The following MYO10 variants were observed in gnomAD, a reference collection of about 807,000 sequenced individuals.
MYO10 encodes unconventional myosin-X.
MYO10 carries 133 observed loss-of-function variants against 257.3 expected under a neutral mutation model. The ratio of observed to expected loss-of-function variants is 0.52; its 90% CI spans 0.45 to 0.60. The LOEUF is 0.60. Among genes scored for constraint, MYO10 ranks in the 20% least tolerant of loss-of-function variants. The pLI, the probability that MYO10 is intolerant of heterozygous loss-of-function variation, is 0.00. For synonymous variants in MYO10, 1,104 were observed against 1,028.6 expected (o/e 1.07, Z -1.40); for missense variants, 2,399 against 2,635.7 (o/e 0.91, Z 1.97).
At chr5:16,866,580 G>GT (rs1410099603) in intron 2 of MYO10, among the ~76,000 whole-genome samples, 3 of 152,072 alleles carry the variant, frequency 2.0e-5, no homozygotes, top group Non-Finnish European at 4.4e-5. Flanking sequence ...CAAGAGACAT[G>GT]TAAGACTCAG....
At chr5:16,870,764 C>T (rs1005580803) in intron 2 of MYO10, among the ~76,000 whole-genome samples, 7 of 152,000 alleles carry the variant, frequency 4.6e-5, no homozygotes, top group South Asian at 4.2e-4. Flanking sequence ...TGGTGGCATG[C>T]GCCTGTAATC....
At chr5:16,835,715 C>G (rs187780540) in intron 2 of MYO10, among the ~76,000 whole-genome samples, 2 of 150,718 alleles carry the variant, frequency 1.3e-5, no homozygotes, top group African/African-American at 4.9e-5. Context: ...AAAACACTCT[C>G]TGAATTAATG....
At chr5:16,901,810 G>A (rs1291513677) in intron 1 of MYO10, among the ~76,000 whole-genome samples, 1 of 152,122 alleles carries the variant, frequency 6.6e-6, no homozygotes, top group Non-Finnish European at 1.5e-5. Flanking sequence ...TGCAGAGAGG[G>A]CAATAGGAAT....
At chr5:16,862,860 A>G (rs966173822) in intron 2 of MYO10, among the ~76,000 whole-genome samples, 1 of 152,220 alleles carries the variant, frequency 6.6e-6, no homozygotes, top group African/African-American at 2.4e-5. Flanking sequence ...CAACACCAGC[A>G]CTGCAAGACC....
At chr5:16,845,845 T>C (rs927119929) in intron 2 of MYO10, among the ~76,000 whole-genome samples, 3 of 151,818 alleles carry the variant, frequency 2.0e-5, no homozygotes, top group African/African-American at 7.3e-5. Context: ...GCACCTGTAG[T>C]CCCAGCTACT....
chr5:16,751,430 A>G (rs183004444), intron 19 of MYO10, among the ~76,000 whole-genome samples: 1 of 152,248 alleles, frequency 6.6e-6, no homozygotes, highest in African/African-American at 2.4e-5. Context: ...CCTGCATTTT[A>G]GGCCTCAGAC....
At chr5:16,834,413 A>G (rs900898810) in intron 2 of MYO10, among the ~76,000 whole-genome samples, 2 of 152,112 alleles carry the variant, frequency 1.3e-5, no homozygotes, top group South Asian at 4.1e-4. Context: ...TGGTGTCTAC[A>G]ATAGCAGGGG....
At chr5:16,803,480 A>T (rs941260142) in intron 3 of MYO10, among the ~76,000 whole-genome samples, 3 of 152,338 alleles carry the variant, frequency 2.0e-5, no homozygotes, top group Admixed American at 2.0e-4. Context: ...CAAATTAAAT[A>T]AAAATGTTCT....
At chr5:16,886,231 A>C (rs544297383) in intron 1 of MYO10, among the ~76,000 whole-genome samples, 1 of 152,222 alleles carries the variant, frequency 6.6e-6, no homozygotes, top group Non-Finnish European at 1.5e-5. Context: ...CTACAGAGGA[A>C]GGAAAAGTAA....
At chr5:16,789,428 AT>A (rs1741688184) in intron 4 of MYO10, among the ~76,000 whole-genome samples, 1 of 152,194 alleles carries the variant, frequency 6.6e-6, no homozygotes, top group Non-Finnish European at 1.5e-5. Context: ...TGCCTAAAAG[AT>A]TAACTCCAAA....
At chr5:16,749,451 C>T (rs1740318881) in intron 19 of MYO10, among the ~76,000 whole-genome samples, 1 of 149,346 alleles carries the variant, frequency 6.7e-6, no homozygotes. Flanking sequence ...TGCGCCACTG[C>T]ACTCCAGCCT....
At chr5:16,891,011 G>A (rs1037309692) in intron 1 of MYO10, among the ~76,000 whole-genome samples, 10 of 151,664 alleles carry the variant, frequency 6.6e-5, no homozygotes, top group African/African-American at 2.0e-4. Context: ...GGTCAGGCAC[G>A]GTGGCTCACA....
chr5:16,752,095 C>A (rs1740393425), intron 19 of MYO10, among the ~76,000 whole-genome samples: 3 of 152,128 alleles, frequency 2.0e-5, no homozygotes, highest in African/African-American at 7.2e-5. Context: ...AGAGAGAAAA[C>A]AGAAACACTG....
chr5:16,816,969 G>A (rs1264958851), intron 3 of MYO10, among the ~76,000 whole-genome samples: 2 of 152,096 alleles, frequency 1.3e-5, no homozygotes, highest in East Asian at 1.9e-4. Flanking sequence ...ACAGGCATGT[G>A]CCACCATGCC....
chr5:16,678,535 G>A (rs1736840581), intron 33 of MYO10, among the ~76,000 whole-genome samples: 1 of 152,124 alleles, frequency 6.6e-6, no homozygotes, highest in East Asian at 1.9e-4. Context: ...AGCTGAGATC[G>A]CACTACCGCA....
chr5:16,768,142 A>T (rs184261043), intron 10 of MYO10, among the ~76,000 whole-genome samples: 6 of 152,288 alleles, frequency 3.9e-5, no homozygotes, highest in Admixed American at 2.0e-4. Flanking sequence ...AACCACTCTG[A>T]ACTTGAACTC....
At chr5:16,725,786 CCTT>C (rs1379515437) in intron 19 of MYO10, among the ~76,000 whole-genome samples, 1 of 112,586 alleles carries the variant, frequency 8.9e-6, no homozygotes, top group Non-Finnish European at 1.8e-5. Flanking sequence ...ACAGGTACCC[CCTT>C]TTTTTTTTTT....
At chr5:16,815,522 A>G (rs989738315) in intron 3 of MYO10, 20 of 681,402 alleles carry the variant, frequency 2.9e-5, no homozygotes, top group Middle Eastern at 4.7e-4. Flanking sequence ...TTTATCAACT[A>G]CAAGACTTTG....
intron 1 of MYO10, among the ~76,000 whole-genome samples, chr5:16,900,890 C>T (rs1357314399): frequency 1.3e-5 from 2 of 152,036 alleles, no homozygotes; most frequent in African/African-American, 4.8e-5. Flanking sequence ...CAGGCACCCA[C>T]CATCACACCT....
Sources: allele counts gnomAD v4.1 joint callset (sites outside exome capture counted in the v4.1 genomes callset), GRCh38; gene constraint gnomAD v4.1.1; transcripts MANE v1.5; gene names NCBI Gene and HGNC (gene_info 2026-07-23, HGNC 2026-07-21).